Variants in SUMF2 observed in about 807,000 individuals in gnomAD.
The protein encoded by SUMF2 is inactive C-alpha-formylglycine-generating enzyme 2.
In SUMF2, 45 loss-of-function variants were observed where a neutral mutation model predicts 44.8. The ratio of observed to expected loss-of-function variants is 1.00; its 90% CI spans 0.79 to 1.29. The LOEUF (loss-of-function observed/expected upper bound fraction) is 1.29, where lower values mean the gene tolerates loss of function less well. Among genes scored for constraint, SUMF2 ranks in the 50% most tolerant of loss-of-function variants. SUMF2 has a pLI of 0.00. For synonymous variants in SUMF2, 148 were observed against 150.4 expected (o/e 0.98, Z 0.12); for missense variants, 418 against 389.9 (o/e 1.07, Z -0.61).
At chr7:56,070,832 G>T (rs1795108550) in intron 2 of SUMF2, among the ~76,000 whole-genome samples, 1 of 152,126 alleles carries the variant, frequency 6.6e-6, no homozygotes, top group Non-Finnish European at 1.5e-5. Context: ...AAAAGGGACA[G>T]ACTACTAATG....
At chr7:56,074,415 A>G in intron 4 of SUMF2, 171 bp from the exon 5 acceptor site, 1 of 1,015,836 alleles carries the variant, frequency 9.8e-7, no homozygotes. Flanking sequence ...TTCTCCCTTC[A>G]GCCTCCTGTA....
intron 4 of SUMF2, 40 bp from the exon 5 acceptor site, chr7:56,074,546 G>A: frequency 6.2e-7 from 1 of 1,606,590 alleles, no homozygotes; most frequent in Non-Finnish European, 8.5e-7. Context: ...CCGACTTAAT[G>A]CGCTCCCGGA....
At chr7:56,078,630 G>C in intron 8 of SUMF2, 122 bp downstream of exon 8, 1 of 1,205,522 alleles carries the variant, frequency 8.3e-7, no homozygotes, top group East Asian at 2.8e-5. Context: ...GCTGGTCCCA[G>C]CACCTCCCTG....
intron 3 of SUMF2, chr7:56,073,383 T>G: frequency 2.2e-6 from 1 of 461,198 alleles, no homozygotes; most frequent in South Asian, 2.0e-5. Flanking sequence ...CCGAGCGTGG[T>G]GTCTCATGCC....
At chr7:56,075,198 T>TA (rs71015182) in intron 5 of SUMF2, among the ~76,000 whole-genome samples, 3 of 151,450 alleles carry the variant, frequency 2.0e-5, no homozygotes, top group African/African-American at 4.8e-5. Context: ...TTTTTTTTTT[T>TA]AATTTCTAGT....
At chr7:56,082,107 C>G (rs1264476995), downstream of SUMF2, 1 of 1,611,218 alleles carries the variant, frequency 6.2e-7, no homozygotes, top group Non-Finnish European at 8.5e-7. Context: ...CCAGCCCTGC[C>G]TACTTCCTCC....
chr7:56,087,043 G>C, the SUMF2 span: 1 of 1,607,784 alleles, frequency 6.2e-7, no homozygotes, highest in Non-Finnish European at 8.5e-7. Flanking sequence ...GAAATGGCTA[G>C]CTTGTCTCAA....
intron 3 of SUMF2, 65 bp from the exon 4 acceptor site, chr7:56,074,109 C>T (rs774023769): frequency 1.4e-6 from 2 of 1,472,176 alleles, no homozygotes; most frequent in African/African-American, 1.4e-5. Context: ...CGTCCTGTGG[C>T]TCAGTCGGGG....
At chr7:56,069,804 G>A (rs1795044123) in intron 2 of SUMF2, among the ~76,000 whole-genome samples, 2 of 151,940 alleles carry the variant, frequency 1.3e-5, no homozygotes, top group African/African-American at 2.4e-5. Flanking sequence ...GGCTGGTCTC[G>A]AACTCCTGGG....
At chr7:56,083,663 C>T, downstream of SUMF2, 2 of 1,583,738 alleles carry the variant, frequency 1.3e-6, no homozygotes, top group Non-Finnish European at 1.7e-6. Context: ...GTTTCCTTCT[C>T]ACTCAAGGTG....
intron 2 of SUMF2, among the ~76,000 whole-genome samples, chr7:56,072,747 CAAATA>C (rs913308093): frequency 2.1e-5 from 3 of 146,272 alleles, no homozygotes; most frequent in African/African-American, 5.1e-5. Context: ...AATAAACAAA[CAAATA>C]AAATAAAAAA....
intron 6 of SUMF2, among the ~76,000 whole-genome samples, chr7:56,077,483 G>A (rs1346505872): frequency 2.7e-5 from 4 of 150,868 alleles, no homozygotes; most frequent in African/African-American, 9.7e-5. Flanking sequence ...CCAATATGGT[G>A]AAACCCTGCT....
intron 7 of SUMF2, 72 bp from the exon 8 acceptor site, chr7:56,078,292 C>A (rs1795708570): frequency 6.4e-7 from 1 of 1,560,732 alleles, no homozygotes; most frequent in South Asian, 1.2e-5. Flanking sequence ...CCATTTGGCC[C>A]CCAGGACCTC....
rs773695444 is a variant in SUMF2 at position 56,079,590 on chromosome 7, G to C, written c.884G>C (p.Gly295Ala). The C allele has an allele frequency of 1.2e-6, 2 of 1,614,218 alleles. No individual in the cohort carries two copies. Among genetic ancestry groups the C allele is most frequent in the Middle Eastern group, 1.6e-4 (1 of 6,062 alleles). The change falls in exon 9 of 9, where the codon GGC becomes GCC. Residue 295 changes from glycine to alanine, a missense_variant. Gly to Ala is a moderately conservative substitution (Grantham distance 60). Coordinates refer to ENST00000434526, the MANE Select transcript of SUMF2 (RefSeq NM_015411.4). The part of the protein sequence containing the change: ...NLGFRCAADA[G>A]RPPGEL ...GGTTTCCGCTGTGCTGCAGACGCAG[G>C]CCGGCCGCCAGGGGAGCTGTAAGCA... is the stretch of plus-strand genomic sequence containing the variant.
chr7:56,083,191 A>T, downstream of SUMF2: 1 of 1,182,806 alleles, frequency 8.5e-7, no homozygotes, highest in Non-Finnish European at 1.2e-6. Context: ...CAATTAAGTT[A>T]GGGGAGAAAC....
At position 56,074,751 on chromosome 7, in the gene SUMF2, A is replaced by G. The variant is rs1172038115; in HGVS notation, c.535+15A>G. 2 of 1,613,892 alleles carry G rather than the reference A, an allele frequency of 1.2e-6. No homozygotes were observed. The highest frequency in any genetic ancestry group is 2.7e-5 in the African/African-American group (2 of 74,922). ...GGGCTTGAAGGGTATCCAGATGATA[A>G]GGCGATTTTCCTTTATTCTTCTCCC... is the stretch of plus-strand genomic sequence containing the variant. On this transcript the variant is annotated intron_variant, in intron 5 of 8. Transcript: ENST00000434526.
At chr7:56,082,116 C>G (rs765623978), downstream of SUMF2, 1 of 1,611,936 alleles carries the variant, frequency 6.2e-7, no homozygotes, top group South Asian at 1.1e-5. Flanking sequence ...CCTACTTCCT[C>G]CCTTGCCCAG....
At chr7:56,066,572 G>T (rs4585698) in intron 1 of SUMF2, among the ~76,000 whole-genome samples, 7 of 151,644 alleles carry the variant, frequency 4.6e-5, no homozygotes, top group Non-Finnish European at 1.0e-4. Flanking sequence ...CTCAGCTTCC[G>T]GAGTAGTTGG....
chr7:56,086,866 C>T, the SUMF2 span: 5 of 874,110 alleles, frequency 5.7e-6, no homozygotes, highest in African/African-American at 4.9e-5. Flanking sequence ...TTGGCATCCT[C>T]AGCGCAGGAG....
Sources: allele counts gnomAD v4.1 joint callset (sites outside exome capture counted in the v4.1 genomes callset), GRCh38; gene constraint gnomAD v4.1.1; transcripts MANE v1.5; gene names NCBI Gene and HGNC (gene_info 2026-07-23, HGNC 2026-07-21).